The following PARP12 variants were observed in gnomAD, a reference collection of about 807,000 sequenced individuals.
The protein encoded by PARP12 is poly(ADP-ribose) polymerase family member 12.
A neutral mutation model predicts 72.4 loss-of-function variants in PARP12; 59 were observed. The observed-to-expected ratio is 0.81, with a 90% CI of 0.66 to 1.01. The LOEUF (loss-of-function observed/expected upper bound fraction) is 1.01. Ranked by LOEUF, PARP12 falls within the 50% of genes least tolerant of loss-of-function variation. PARP12 has a pLI of 0.00. For synonymous variants in PARP12, 403 were observed against 371.4 expected (o/e 1.09, Z -0.98); for missense variants, 851 against 914.0 (o/e 0.93, Z 0.89).
chr7:140,035,862 G>C (rs936974351), intron 7 of PARP12, among the ~76,000 whole-genome samples: 1 of 145,030 alleles, frequency 6.9e-6, no homozygotes, highest in Non-Finnish European at 1.5e-5. Flanking sequence ...GAGGAGGAGG[G>C]GGAAGAGGAA....
At chr7:140,057,771 T>A in intron 2 of PARP12, 128 bp downstream of exon 2, 2 of 1,342,134 alleles carry the variant, frequency 1.5e-6, no homozygotes, top group East Asian at 5.0e-5. Flanking sequence ...ACATTCCAAA[T>A]TTCTGCAGGT....
At position 140,030,548 on chromosome 7, in the gene PARP12, A is replaced by C. The variant is rs151109214; in HGVS notation, c.1422-1860T>G. On this transcript the variant is annotated intron_variant, in intron 8 of 11. Coordinates refer to ENST00000263549, the MANE Select transcript of PARP12 (RefSeq NM_022750.4). ...AAGAGGCGGAGGTTGCAGTGAGCCAAGATCATGCCACTGCACTCTGGCCTG... is the reference window on the plus strand; with the variant it reads ...AAGAGGCGGAGGTTGCAGTGAGCCACGATCATGCCACTGCACTCTGGCCTG... Among the ~76,000 whole-genome samples, 280 of 152,386 alleles carry C rather than the reference A, an allele frequency of 1.8e-3. 3 individuals carry two copies. In the East Asian group the frequency reaches 0.042, roughly 23 times the overall value.
chr7:140,051,591 AT>A (rs1270347460), intron 4 of PARP12, among the ~76,000 whole-genome samples: 1 of 152,088 alleles, frequency 6.6e-6, no homozygotes, highest in East Asian at 1.9e-4. Context: ...GGGTTTCACC[AT>A]GTTGGCCAGG....
intron 11 of PARP12, chr7:140,025,727 A>G (rs1815713584): frequency 3.0e-6 from 1 of 328,166 alleles, no homozygotes; most frequent in Non-Finnish European, 6.1e-6. Context: ...TTTCCAAAGA[A>G]ATAGTATTTT....
chr7:140,062,640 A>C lies in PARP12; in HGVS notation c.208T>G (p.Ser70Ala). Reference protein sequence around the residue: ...AAPERVVLAASPLRLCRAHQG... With the variant: ...AAPERVVLAAAPLRLCRAHQG... ...TGCGCGCGACACAGGCGCAGCGGCGAGGCGGCCAGCACCACGCGCTCCGGG... is the reference window on the plus strand; with the variant it reads ...TGCGCGCGACACAGGCGCAGCGGCGCGGCGGCCAGCACCACGCGCTCCGGG... Residue 70 changes from serine (S) to alanine (A), a missense_variant, in exon 1 of 12, where the codon TCG becomes GCG. Ser to Ala is a moderately conservative substitution (Grantham distance 99, BLOSUM62 1). Transcript: ENST00000263549. 2 of 1,474,180 alleles carry C rather than the reference A, an allele frequency of 1.4e-6. No homozygotes were observed. The highest frequency in any genetic ancestry group is 1.8e-6 in the Non-Finnish European group (2 of 1,115,086). The allele number at this position is 1,474,180 out of a possible 1,614,324, so 91.3% of individuals were successfully genotyped here.
chr7:140,060,412 G>C (rs192812764), intron 1 of PARP12, among the ~76,000 whole-genome samples: 2 of 152,132 alleles, frequency 1.3e-5, no homozygotes, highest in African/African-American at 4.8e-5. Flanking sequence ...AGAGTCACAG[G>C]GGAAGCAGAA....
At chr7:140,038,371 C>A in intron 6 of PARP12, 1 of 898,876 alleles carries the variant, frequency 1.1e-6, no homozygotes, top group Non-Finnish European at 1.3e-6. Context: ...TCCACAATTA[C>A]CTACAGGAAA....
At chr7:140,037,472 T>C (rs1040915735) in intron 7 of PARP12, among the ~76,000 whole-genome samples, 1 of 152,232 alleles carries the variant, frequency 6.6e-6, no homozygotes, top group Non-Finnish European at 1.5e-5. Context: ...CTGCTTGTCC[T>C]CCACACTTGG....
intron 11 of PARP12, 135 bp downstream of exon 11, chr7:140,026,062 G>A (rs1815726561): frequency 1.5e-6 from 2 of 1,307,582 alleles, no homozygotes; most frequent in South Asian, 2.6e-5. Flanking sequence ...TGGTAGCTGT[G>A]CCCAGGTACC....
intron 4 of PARP12, among the ~76,000 whole-genome samples, chr7:140,048,012 A>C (rs987941625): frequency 2.6e-5 from 4 of 152,154 alleles, no homozygotes; most frequent in African/African-American, 9.7e-5. Context: ...AGGTCTCATC[A>C]CTGCAGGGGG....
intron 8 of PARP12, chr7:140,033,552 T>G: frequency 1.0e-6 from 1 of 985,406 alleles, no homozygotes; most frequent in Non-Finnish European, 1.2e-6. Context: ...GCTGTGTGGT[T>G]TGGAGAACAC....
chr7:140,046,094 C>G (rs1053213057), intron 5 of PARP12, among the ~76,000 whole-genome samples: 4 of 152,218 alleles, frequency 2.6e-5, no homozygotes, highest in Non-Finnish European at 5.9e-5. Context: ...ACTCACTGAA[C>G]TGTATGCTTA....
At chr7:140,061,493 G>T (rs917698486) in intron 1 of PARP12, among the ~76,000 whole-genome samples, 1 of 152,080 alleles carries the variant, frequency 6.6e-6, no homozygotes, top group African/African-American at 2.4e-5. Flanking sequence ...AAGAAAGGAG[G>T]GAGCAGGGGA....
intron 11 of PARP12, chr7:140,025,444 C>A: frequency 2.7e-6 from 1 of 366,188 alleles, no homozygotes; most frequent in South Asian, 2.1e-5. Context: ...AACTGACTAA[C>A]AAAGAACTGA....
At chr7:140,060,987 C>T (rs563713800) in intron 1 of PARP12, among the ~76,000 whole-genome samples, 18 of 152,324 alleles carry the variant, frequency 1.2e-4, no homozygotes, top group African/African-American at 4.3e-4. Flanking sequence ...CTCTTGCTCT[C>T]TCAGTGAACA....
chr7:140,062,120 G>A (rs967012363), intron 1 of PARP12, among the ~76,000 whole-genome samples: 15 of 152,166 alleles, frequency 9.9e-5, no homozygotes, highest in African/African-American at 3.6e-4. Flanking sequence ...TGGGTTTAAA[G>A]ATCTCTACCA....
chr7:140,048,468 A>G (rs574204948), intron 4 of PARP12, among the ~76,000 whole-genome samples: 1 of 152,200 alleles, frequency 6.6e-6, no homozygotes, highest in Non-Finnish European at 1.5e-5. Context: ...GACAGGGAGA[A>G]AGGAGAGAAA....
At chr7:140,031,511 C>CA (rs1815937069) in intron 8 of PARP12, among the ~76,000 whole-genome samples, 1 of 152,248 alleles carries the variant, frequency 6.6e-6, no homozygotes, top group African/African-American at 2.4e-5. Context: ...GATCTACCCT[C>CA]AGATTCCCAA....
chr7:140,054,337 A>C (rs1296711762), intron 4 of PARP12, among the ~76,000 whole-genome samples: 1 of 152,160 alleles, frequency 6.6e-6, no homozygotes, highest in Non-Finnish European at 1.5e-5. Context: ...CTTTGTTCCC[A>C]CCAGGCTGAG....
Sources: gnomAD v4.1 joint callset for allele counts (sites outside exome capture counted in the v4.1 genomes callset) on GRCh38, gnomAD v4.1.1 for gene constraint, MANE v1.5 for transcripts, NCBI Gene and HGNC (gene_info 2026-07-23, HGNC 2026-07-21) for gene names.